Variants in SCUBE1 observed in about 807,000 individuals in gnomAD.
SCUBE1 encodes signal peptide, CUB and EGF-like domain-containing protein 1.
Under a neutral mutation model 124.4 loss-of-function variants are expected in SCUBE1, and 59 were observed. That is an observed-to-expected ratio of 0.47 (90% CI 0.38 to 0.59). The LOEUF (loss-of-function observed/expected upper bound fraction) is 0.59, where lower values mean the gene tolerates loss of function less well. Ranked by LOEUF, SCUBE1 falls within the 20% of genes least tolerant of loss-of-function variation. The pLI, the probability that SCUBE1 is intolerant of heterozygous loss-of-function variation, is 0.00. For missense variants in SCUBE1, 1,150 were observed against 1,371.2 expected (o/e 0.84, Z 2.55); for synonymous variants, 545 against 550.9 (o/e 0.99, Z 0.15).
At chr22:43,215,896 C>T (rs1921788496) in intron 15 of SCUBE1, among the ~76,000 whole-genome samples, 1 of 149,440 alleles carries the variant, frequency 6.7e-6, no homozygotes, top group Admixed American at 6.6e-5. Flanking sequence ...CACACTCACA[C>T]ATGCATGCAC....
At chr22:43,251,053 G>T (rs557254298) in intron 6 of SCUBE1, among the ~76,000 whole-genome samples, 1 of 152,186 alleles carries the variant, frequency 6.6e-6, no homozygotes, top group South Asian at 2.1e-4. Flanking sequence ...CCAGGGCTGT[G>T]GGGGAGACTC....
At chr22:43,253,759 G>A (rs373987493) in intron 6 of SCUBE1, among the ~76,000 whole-genome samples, 4 of 152,296 alleles carry the variant, frequency 2.6e-5, no homozygotes, top group South Asian at 2.1e-4. Context: ...AACACAGCGC[G>A]GCCCTCTTCC....
At chr22:43,237,115 G>C (rs981968083) in intron 7 of SCUBE1, among the ~76,000 whole-genome samples, 1 of 145,452 alleles carries the variant, frequency 6.9e-6, no homozygotes, top group African/African-American at 2.5e-5. Flanking sequence ...GGTGGGGGGG[G>C]TTGGGGGGTT....
At chr22:43,278,817 A>G (rs1275522754) in intron 4 of SCUBE1, among the ~76,000 whole-genome samples, 1 of 152,278 alleles carries the variant, frequency 6.6e-6, no homozygotes, top group African/African-American at 2.4e-5. Context: ...AGCATGTCAC[A>G]GGGTGGCTGT....
chr22:43,327,300 C>A (rs150880437), intron 2 of SCUBE1, among the ~76,000 whole-genome samples: 1 of 152,320 alleles, frequency 6.6e-6, no homozygotes, highest in Admixed American at 6.5e-5. Context: ...GGCAGCTTGA[C>A]TTCAGAGTTA....
At chr22:43,300,470 C>G (rs375724009) in intron 3 of SCUBE1, among the ~76,000 whole-genome samples, 1 of 152,070 alleles carries the variant, frequency 6.6e-6, no homozygotes, top group African/African-American at 2.4e-5. Context: ...CCTGTTCTCA[C>G]GGGCTCTATG....
At position 43,207,546 on chromosome 22, in the gene SCUBE1, C is replaced by T; in HGVS notation, c.2802G>A (p.Gln934=). The T allele has an allele frequency of 6.2e-7, 1 of 1,613,674 alleles. No homozygotes were observed. Among genetic ancestry groups the T allele is most frequent in the Non-Finnish European group, 8.5e-7 (1 of 1,179,606 alleles). Residue 934 remains glutamine (Q), a synonymous_variant, in exon 21 of 22, where the codon CAG becomes CAA. Coordinates refer to ENST00000360835, the MANE Select transcript of SCUBE1 (RefSeq NM_173050.5). ...TAAACTCACTCACTTTCAAAATTTCCTGGTGGTTCTCCGAGGCGTACAGGC... is the reference window on the plus strand; with the variant it reads ...TAAACTCACTCACTTTCAAAATTTCTTGGTGGTTCTCCGAGGCGTACAGGC... ...DGRLYASENH[Q]EILKDKKLIK... is the part of the protein sequence containing the mutation.
Position 43,221,269 on chromosome 22 carries a change from T to G in SCUBE1, c.1453A>C (p.Lys485Gln). 6.2e-7 allele frequency: 1 copy of G among 1,608,264 alleles called. No homozygotes were observed. The highest frequency in any genetic ancestry group is 8.5e-7 in the Non-Finnish European group (1 of 1,179,382). The change falls in exon 13 of 22, where the codon AAA (lysine) becomes CAA (glutamine). Residue 485 changes from lysine (K) to glutamine (Q), a missense_variant. This residue lies in a region of SCUBE1 where 757 missense variants were observed against 840.9 expected (regional missense o/e 0.90). Coordinates refer to ENST00000360835, the MANE Select transcript of SCUBE1 (RefSeq NM_173050.5). ...CGGATCTTGAAGCGGGCCTTCTGTT[T>G]GATGGGGGTGGTGGGGGCATCTGGG... ...SCSDAPTTPI[K>Q]QKARFKIRDA...
At chr22:43,221,102 C>T in intron 13 of SCUBE1, 71 bp downstream of exon 13, 1 of 1,265,254 alleles carries the variant, frequency 7.9e-7, no homozygotes, top group Non-Finnish European at 1.1e-6. Context: ...ACCCTGGGGC[C>T]CCAGCTCCCA....
rs146529030 is a variant in SCUBE1 at position 43,207,786 on chromosome 22, T to A, written c.2735-173A>T. On this transcript the variant is annotated intron_variant, in intron 20 of 21. Coordinates refer to ENST00000360835, the MANE Select transcript of SCUBE1 (RefSeq NM_173050.5). ...AACCTGGGGCTCCCTGCACCTGTAT[T>A]GTCCTCCTCGGGGTTTCACTAAGAA... Among the ~76,000 whole-genome samples, 7 of 152,342 alleles carry A rather than the reference T, an allele frequency of 4.6e-5. No individual in the cohort carries two copies. In the East Asian group the frequency reaches 1.4e-3, roughly 29 times the overall value.
intron 3 of SCUBE1, among the ~76,000 whole-genome samples, chr22:43,306,504 G>A (rs769401924): frequency 2.0e-5 from 3 of 152,080 alleles, no homozygotes; most frequent in Admixed American, 2.0e-4. Context: ...CAGGCACAGT[G>A]ACAACAGATT....
chr22:43,325,990 A>G (rs1027052999), intron 2 of SCUBE1, among the ~76,000 whole-genome samples: 4 of 151,674 alleles, frequency 2.6e-5, no homozygotes, highest in Non-Finnish European at 5.9e-5. Context: ...CATAAAATAT[A>G]CATTTACTCT....
At chr22:43,244,581 G>A (rs1319932005) in intron 6 of SCUBE1, among the ~76,000 whole-genome samples, 3 of 152,390 alleles carry the variant, frequency 2.0e-5, no homozygotes, top group East Asian at 3.9e-4. Context: ...GGTGGAGGAG[G>A]CAGTGTGGTG....
intron 3 of SCUBE1, among the ~76,000 whole-genome samples, chr22:43,315,321 G>T (rs1055620726): frequency 2.0e-5 from 3 of 151,850 alleles, no homozygotes; most frequent in Non-Finnish European, 4.4e-5. Context: ...TAGAGGAACA[G>T]GTCCCGAACT....
chr22:43,278,722 CCT>C (rs770273276), intron 4 of SCUBE1, among the ~76,000 whole-genome samples: 6 of 152,196 alleles, frequency 3.9e-5, no homozygotes, highest in Non-Finnish European at 7.3e-5. Flanking sequence ...GAATCCAGCC[CCT>C]GATCCTGAAG....
intron 4 of SCUBE1, among the ~76,000 whole-genome samples, chr22:43,288,155 C>T (rs190526762): frequency 9.7e-4 from 147 of 152,306 alleles, no homozygotes; most frequent in Middle Eastern, 3.4e-3. Context: ...TTAACCGACA[C>T]GCTGGTTAAT....
intron 4 of SCUBE1, among the ~76,000 whole-genome samples, chr22:43,284,723 A>G (rs1925062388): frequency 6.6e-6 from 1 of 152,226 alleles, no homozygotes; most frequent in Non-Finnish European, 1.5e-5. Context: ...GGCACACGCA[A>G]GCATGCATTG....
chr22:43,255,947 C>T lies in SCUBE1; in HGVS notation c.727+2272G>A, dbSNP rs1170111449. Among the ~76,000 whole-genome samples, 3 of 152,104 alleles carry T rather than the reference C, an allele frequency of 2.0e-5. No individual in the cohort carries two copies. Among genetic ancestry groups the T allele is most frequent in the East Asian group, 1.9e-4 (1 of 5,176 alleles). On this transcript the variant is annotated intron_variant, in intron 6 of 21. Transcript: ENST00000360835. The surrounding 1 kb of genome is among the most constrained non-coding windows in gnomAD (Gnocchi z 4.7). ...CAGAAAGCACCACCATGGTGCTTTA[C>T]GGAGACACAAGTGATTACAGACCCC...
intron 15 of SCUBE1, among the ~76,000 whole-genome samples, chr22:43,216,909 C>A (rs1237173517): frequency 1.6e-5 from 2 of 123,030 alleles, no homozygotes; most frequent in Admixed American, 7.9e-5. Flanking sequence ...GCTTCCCTCC[C>A]ACCCCCACTG....
Sources: gnomAD v4.1 joint callset for allele counts (sites outside exome capture counted in the v4.1 genomes callset) on GRCh38, gnomAD v4.1.1 for gene constraint, gnomAD v4.1.1 regional missense constraint, Gnocchi (gnomAD v3.1) non-coding constraint, MANE v1.5 for transcripts, NCBI Gene and HGNC (gene_info 2026-07-23, HGNC 2026-07-21) for gene names.